The following FAM168A variants were observed in gnomAD, a reference collection of about 807,000 sequenced individuals.
The protein encoded by FAM168A is family with sequence similarity 168 member A.
FAM168A carries 3 observed loss-of-function variants against 28.5 expected under a neutral mutation model. The ratio of observed to expected loss-of-function variants is 0.11; its 90% CI spans 0.05 to 0.27. The LOEUF (loss-of-function observed/expected upper bound fraction) is 0.27. FAM168A is among the 10% of genes least tolerant of loss of function. The pLI is 1.00. For synonymous variants in FAM168A, 122 were observed against 124.2 expected, an observed-to-expected ratio of 0.98 and a Z score of 0.12; for missense variants, 222 against 311.5, an observed-to-expected ratio of 0.71 and a Z score of 2.16.
chr11:73,419,067 C>A (rs906070201), intron 4 of FAM168A, among the ~76,000 whole-genome samples: 1 of 152,170 alleles, frequency 6.6e-6, no homozygotes. Context: ...ACCTTGGCCT[C>A]CCAAAGTGCT....
At chr11:73,494,682 G>A (rs1014702288) in intron 1 of FAM168A, among the ~76,000 whole-genome samples, 3 of 152,124 alleles carry the variant, frequency 2.0e-5, no homozygotes, top group African/African-American at 7.2e-5. Context: ...CAGCACCAAC[G>A]CCAGGAAAGC....
chr11:73,463,504 G>A (rs912075528), intron 2 of FAM168A, among the ~76,000 whole-genome samples: 1 of 152,196 alleles, frequency 6.6e-6, no homozygotes, highest in African/African-American at 2.4e-5. Context: ...TGGAGGAGAT[G>A]TTCAGGAGAC....
intron 2 of FAM168A, among the ~76,000 whole-genome samples, chr11:73,440,961 T>A (rs540361953): frequency 2.6e-5 from 4 of 151,728 alleles, no homozygotes; most frequent in Admixed American, 2.6e-4. Context: ...AAAGAAACCA[T>A]ACAGCTGACT....
chr11:73,464,678 C>T (rs1440188049), intron 2 of FAM168A, among the ~76,000 whole-genome samples: 1 of 152,212 alleles, frequency 6.6e-6, no homozygotes, highest in Non-Finnish European at 1.5e-5. Flanking sequence ...TTCTTCAAAA[C>T]ACTTCTTATA....
At chr11:73,463,082 C>T (rs1023500101) in intron 2 of FAM168A, among the ~76,000 whole-genome samples, 1 of 151,966 alleles carries the variant, frequency 6.6e-6, no homozygotes, top group Non-Finnish European at 1.5e-5. Flanking sequence ...GATTCTCATG[C>T]CTCAGCCTCC....
intron 1 of FAM168A, among the ~76,000 whole-genome samples, chr11:73,499,989 G>A (rs1384371810): frequency 6.6e-6 from 1 of 152,098 alleles, no homozygotes; most frequent in Non-Finnish European, 1.5e-5. Flanking sequence ...ACTAGCAAGA[G>A]AGGCCAACAT....
At chr11:73,528,477 C>T (rs911057490) in intron 1 of FAM168A, among the ~76,000 whole-genome samples, 1 of 152,220 alleles carries the variant, frequency 6.6e-6, no homozygotes, top group Middle Eastern at 3.4e-3. Flanking sequence ...ATCACAAACC[C>T]TTGTAGCAGA....
At chr11:73,544,107 G>C (rs866844535) in intron 1 of FAM168A, among the ~76,000 whole-genome samples, 6 of 152,122 alleles carry the variant, frequency 3.9e-5, no homozygotes, top group African/African-American at 1.4e-4. Context: ...AATTCAGCCT[G>C]AGTGACAAAG....
At chr11:73,525,416 T>G in intron 1 of FAM168A, among the ~76,000 whole-genome samples, 1 of 152,288 alleles carries the variant, frequency 6.6e-6, no homozygotes, top group East Asian at 1.9e-4. Context: ...ATCTGGGAAC[T>G]AAGAACTGAA....
At chr11:73,497,261 T>C in intron 1 of FAM168A, among the ~76,000 whole-genome samples, 1 of 151,886 alleles carries the variant, frequency 6.6e-6, no homozygotes, top group Admixed American at 6.6e-5. Flanking sequence ...GGTCAGGAGA[T>C]CCAGACCATC....
At chr11:73,570,759 A>G (rs1322475135) in intron 1 of FAM168A, among the ~76,000 whole-genome samples, 1 of 151,950 alleles carries the variant, frequency 6.6e-6, no homozygotes. Context: ...CAAGACAAGA[A>G]AAGAAAAAAA....
At chr11:73,441,807 G>C (rs917437581) in intron 2 of FAM168A, among the ~76,000 whole-genome samples, 2 of 152,048 alleles carry the variant, frequency 1.3e-5, no homozygotes, top group African/African-American at 4.8e-5. Context: ...AATTGTTCAC[G>C]GTCTTACCTC....
At chr11:73,536,486 G>A (rs531378744) in intron 1 of FAM168A, among the ~76,000 whole-genome samples, 4 of 152,068 alleles carry the variant, frequency 2.6e-5, no homozygotes, top group East Asian at 3.9e-4. Flanking sequence ...TCAGGAGTTC[G>A]AGACCAGCCT....
intron 1 of FAM168A, among the ~76,000 whole-genome samples, chr11:73,502,421 T>A (rs1171463319): frequency 6.6e-6 from 1 of 152,068 alleles, no homozygotes; most frequent in Non-Finnish European, 1.5e-5. Flanking sequence ...CCTGGACACA[T>A]ATACCCTCCC....
intron 1 of FAM168A, among the ~76,000 whole-genome samples, chr11:73,581,249 C>T (rs896787327): frequency 4.8e-4 from 73 of 152,270 alleles, no homozygotes; most frequent in Non-Finnish European, 7.9e-4. Context: ...ATACTGTTAA[C>T]GATTGTCTGC....
intron 1 of FAM168A, among the ~76,000 whole-genome samples, chr11:73,500,860 G>C (rs1442168980): frequency 2.6e-5 from 4 of 152,026 alleles, no homozygotes; most frequent in Non-Finnish European, 5.9e-5. Context: ...AATGTAAATG[G>C]GCTAAATGCC....
intron 1 of FAM168A, among the ~76,000 whole-genome samples, chr11:73,490,899 T>C (rs769734720): frequency 3.3e-5 from 5 of 152,210 alleles, no homozygotes; most frequent in Non-Finnish European, 7.3e-5. Context: ...CTGTTTAGTC[T>C]ACTGTTGCAT....
At chr11:73,524,979 G>C (rs953574248) in intron 1 of FAM168A, among the ~76,000 whole-genome samples, 8 of 148,990 alleles carry the variant, frequency 5.4e-5, no homozygotes, top group Admixed American at 1.3e-4. Flanking sequence ...CCTTATTCTT[G>C]TTTCACTAAG....
chr11:73,470,445 T>G (rs1867798042), intron 1 of FAM168A, among the ~76,000 whole-genome samples: 1 of 152,194 alleles, frequency 6.6e-6, no homozygotes, highest in Admixed American at 6.5e-5. Flanking sequence ...TGCTGGAAGC[T>G]TAATAACCAT....
Sources: gnomAD v4.1 joint callset for allele counts (sites outside exome capture counted in the v4.1 genomes callset) on GRCh38, gnomAD v4.1.1 for gene constraint, MANE v1.5 for transcripts, NCBI Gene and HGNC (gene_info 2026-07-23, HGNC 2026-07-21) for gene names.